The following PTPRS variants were observed in gnomAD, a reference collection of about 807,000 sequenced individuals.
PTPRS encodes receptor-type tyrosine-protein phosphatase S.
Under a neutral mutation model 215.3 loss-of-function variants are expected in PTPRS, and 63 were observed. The ratio of observed to expected loss-of-function variants is 0.29; its 90% CI spans 0.24 to 0.36. The LOEUF (loss-of-function observed/expected upper bound fraction) is 0.36, where lower values mean the gene tolerates loss of function less well. Ranked by LOEUF, PTPRS falls within the 10% of genes least tolerant of loss-of-function variation. The pLI, the probability that PTPRS is intolerant of heterozygous loss-of-function variation, is 1.00. For synonymous variants in PTPRS, 1,404 were observed against 1,191.4 expected (o/e 1.18, Z -3.68); for missense variants, 2,258 against 2,825.8 (o/e 0.80, Z 4.56).
At chr19:5,282,201 T>C (rs1459374362) in intron 2 of PTPRS, among the ~76,000 whole-genome samples, 3 of 152,104 alleles carry the variant, frequency 2.0e-5, no homozygotes, top group Non-Finnish European at 4.4e-5. Context: ...GGAGGGGTTC[T>C]ACCTCTCGGA....
rs1015790844 is a variant in PTPRS, at chr19:5,240,121, G to C, written c.1704+78C>G. On this transcript the variant is annotated intron_variant, in intron 12 of 37. Coordinates refer to ENST00000262963, the MANE Select transcript of PTPRS (RefSeq NM_002850.4). ...CAGCACACATAGGGACAAAGAGGGG[G>C]AAGAGACAAGGCGGGCAGCGTCAGA... 6 of 1,392,252 alleles carry C rather than the reference G, an allele frequency of 4.3e-6. No homozygotes were observed. In the African/African-American group the frequency reaches 7.4e-5, roughly 17 times the overall value. 86.2% of individuals were successfully genotyped at this position (1,392,252 alleles called of 1,614,324 possible).
At chr19:5,212,922 C>T (rs2041054947) in intron 30 of PTPRS, among the ~76,000 whole-genome samples, 2 of 151,934 alleles carry the variant, frequency 1.3e-5, no homozygotes, top group Admixed American at 6.5e-5. Flanking sequence ...TGGCCCTGGA[C>T]GGTTTCCAAG....
intron 11 of PTPRS, among the ~76,000 whole-genome samples, chr19:5,242,463 G>A (rs1310609687): frequency 1.3e-5 from 2 of 151,040 alleles, no homozygotes; most frequent in East Asian, 3.9e-4. Context: ...CGCCTCCCGA[G>A]TTCAAGTGAT....
chr19:5,264,363 C>T (rs2046251056), intron 5 of PTPRS, among the ~76,000 whole-genome samples: 1 of 152,182 alleles, frequency 6.6e-6, no homozygotes. Context: ...TCCATAGCTC[C>T]CTATTACATA....
At chr19:5,306,088 T>C (rs1320123940) in intron 1 of PTPRS, among the ~76,000 whole-genome samples, 1 of 151,640 alleles carries the variant, frequency 6.6e-6, no homozygotes, top group Non-Finnish European at 1.5e-5. Flanking sequence ...CATTACCATC[T>C]ATCTTTGTGT....
intron 9 of PTPRS, among the ~76,000 whole-genome samples, chr19:5,251,765 C>CGATGT (rs1568483736): frequency 6.6e-6 from 1 of 152,072 alleles, no homozygotes; most frequent in Non-Finnish European, 1.5e-5. Flanking sequence ...CCCCTCTCCC[C>CGATGT]GATGTGATGA....
At chr19:5,310,222 T>C (rs2049650878) in intron 1 of PTPRS, among the ~76,000 whole-genome samples, 1 of 152,218 alleles carries the variant, frequency 6.6e-6, no homozygotes, top group South Asian at 2.1e-4. Flanking sequence ...CTGTTGGTCT[T>C]ACTGAAATGT....
At chr19:5,303,950 C>CAAAAAAAAAAAATAAATAAAAAAAAA (rs1555805672) in intron 1 of PTPRS, among the ~76,000 whole-genome samples, 1 of 95,712 alleles carries the variant, frequency 1.0e-5, no homozygotes, top group African/African-American at 6.0e-5. Flanking sequence ...GACTCTGTCT[C>CAAAAAAAAAAAATAAATAAAAAAAAA]AAAAAATAAT....
rs760765269 is a variant in PTPRS at position 5,297,777 on chromosome 19, C to CT, written c.-94-11544dup. Among the ~76,000 whole-genome samples the CT allele has an allele frequency of 9.7e-3, 1,425 of 147,426 alleles. 12 individuals are homozygous for CT. Among genetic ancestry groups the CT allele is most frequent in the Non-Finnish European group, 0.018 (1,195 of 67,218 alleles). On this transcript the variant is annotated intron_variant, in intron 1 of 37. Transcript: ENST00000262963. The stretch of plus-strand genomic sequence containing the variant: ...CTGAGGCTAACCATTTCCTTCCAGT[C>CT]TTTCTTTTCTTTTCTTTTTTTTTTT...
In PTPRS at chr19:5,293,987, G is replaced by GC; in HGVS notation, c.-94-7754dup. 6.6e-6 allele frequency among the ~76,000 whole-genome samples: 1 copy of GC among 152,310 alleles called. No homozygotes were observed. The highest frequency in any genetic ancestry group is 6.5e-5 in the Admixed American group (1 of 15,296). On this transcript the variant is annotated intron_variant, in intron 1 of 37. Transcript: ENST00000262963. This position sits in a 1 kb window ranked among gnomAD's most constrained non-coding sequence, Gnocchi z 8.4. ...GGCGGCCAATCCGAGCCAGCGTTGC[G>GC]CCCGGGGTGCGGGTTTGAAAACTCC...
intron 3 of PTPRS, 45 bp downstream of exon 3, chr19:5,274,154 T>C: frequency 6.3e-7 from 1 of 1,581,508 alleles, no homozygotes; most frequent in Non-Finnish European, 8.6e-7. Context: ...GGCCCTGCCT[T>C]GGGGGAGCAT....
intron 2 of PTPRS, among the ~76,000 whole-genome samples, chr19:5,283,375 G>A (rs571018620): frequency 6.6e-6 from 1 of 152,128 alleles, no homozygotes; most frequent in Admixed American, 6.5e-5. Context: ...TCAGGAGTTC[G>A]AGACCAGCCT....
At chr19:5,267,051 T>C (rs1460200617) in intron 4 of PTPRS, among the ~76,000 whole-genome samples, 2 of 152,070 alleles carry the variant, frequency 1.3e-5, no homozygotes. Flanking sequence ...GGGCATACAG[T>C]AGGAGCTCAA....
At chr19:5,300,495 G>C (rs2049267589) in intron 1 of PTPRS, among the ~76,000 whole-genome samples, 1 of 151,986 alleles carries the variant, frequency 6.6e-6, no homozygotes, top group Admixed American at 6.6e-5. Context: ...AGTGGGGCGG[G>C]TGTGGTGGCT....
At chr19:5,298,597 G>A (rs2049211619) in intron 1 of PTPRS, among the ~76,000 whole-genome samples, 1 of 152,188 alleles carries the variant, frequency 6.6e-6, no homozygotes, top group South Asian at 2.1e-4. Flanking sequence ...ATGACCCGGG[G>A]CATGGGCGGG....
intron 14 of PTPRS, among the ~76,000 whole-genome samples, chr19:5,230,813 A>C (rs1474348511): frequency 6.6e-6 from 1 of 152,156 alleles, no homozygotes; most frequent in African/African-American, 2.4e-5. Context: ...TCCATGATCT[A>C]GGCTTCGACC....
chr19:5,339,192 C>T lies in PTPRS; in HGVS notation c.-95+1472G>A, dbSNP rs2050604436. On this transcript the variant is annotated intron_variant, in intron 1 of 37. Transcript: ENST00000262963. The surrounding 1 kb of genome is among the most constrained non-coding windows in gnomAD (Gnocchi z 4.2). ...AGAAGGGGGCTCCCCTAGATTGTGA[C>T]GGGGGGGGACAGGGGAATCCCAGCT... Among the ~76,000 whole-genome samples, 1 of 150,270 alleles carries T rather than the reference C, an allele frequency of 6.7e-6. No individual in the cohort carries two copies.
At chr19:5,280,873 C>T (rs545219367) in intron 2 of PTPRS, among the ~76,000 whole-genome samples, 1 of 151,800 alleles carries the variant, frequency 6.6e-6, no homozygotes, top group South Asian at 2.1e-4. Context: ...CTCATTGCAA[C>T]CTCCGCCTCC....
chr19:5,257,759 C>T lies in PTPRS; in HGVS notation c.706+258G>A, dbSNP rs2045678369. 6.6e-6 allele frequency among the ~76,000 whole-genome samples: 1 copy of T among 152,214 alleles called. No homozygotes were observed. The highest frequency in any genetic ancestry group is 1.5e-5 in the Non-Finnish European group (1 of 68,040). On this transcript the variant is annotated intron_variant, in intron 8 of 37. Transcript: ENST00000262963. The surrounding 1 kb of genome is among the most constrained non-coding windows in gnomAD (Gnocchi z 4.4). ...ACGCCTTCCTACCCCACCATCACTG[C>T]CTCCCCAGAGCCTGCTGCCCACGGG...
Sources: allele counts gnomAD v4.1 joint callset (sites outside exome capture counted in the v4.1 genomes callset), GRCh38; gene constraint gnomAD v4.1.1; non-coding constraint Gnocchi (gnomAD v3.1); transcripts MANE v1.5; gene names NCBI Gene and HGNC (gene_info 2026-07-23, HGNC 2026-07-21).